TRIM9: variants seen among roughly 807,000 people sequenced by gnomAD.
TRIM9 encodes the protein tripartite motif containing 9.
In TRIM9, 26 loss-of-function variants were observed where a neutral mutation model predicts 78.3. The observed-to-expected ratio is 0.33, with a 90% CI of 0.24 to 0.46. The LOEUF is 0.46. Among genes scored for constraint, TRIM9 ranks in the 20% least tolerant of loss-of-function variants. The pLI is 1.00. For synonymous variants in TRIM9, 398 were observed against 416.5 expected (o/e 0.96, Z 0.54); for missense variants, 787 against 1,036.4 (o/e 0.76, Z 3.30).
intron 11 of TRIM9, among the ~76,000 whole-genome samples, chr14:50,980,608 A>AT (rs2051742430): frequency 6.6e-6 from 1 of 152,244 alleles, no homozygotes; most frequent in East Asian, 1.9e-4. Flanking sequence ...TGTGATGGTT[A>AT]TGTCATTATT....
intron 1 of TRIM9, among the ~76,000 whole-genome samples, chr14:51,073,618 C>T (rs1029389864): frequency 3.3e-5 from 5 of 152,140 alleles, no homozygotes; most frequent in Non-Finnish European, 7.3e-5. Context: ...AGAAGGTTAT[C>T]CTTGCCAAGA....
intron 1 of TRIM9, among the ~76,000 whole-genome samples, chr14:51,072,220 A>T (rs1280229390): frequency 6.6e-6 from 1 of 152,042 alleles, no homozygotes; most frequent in Non-Finnish European, 1.5e-5. Flanking sequence ...AGGGAAACTT[A>T]ACTCTCTCTC....
At chr14:51,050,454 C>T (rs1419103630) in intron 1 of TRIM9, among the ~76,000 whole-genome samples, 2 of 152,176 alleles carry the variant, frequency 1.3e-5, no homozygotes, top group East Asian at 3.9e-4. Context: ...TGAGGCCTCC[C>T]CAGCCACGTG....
intron 7 of TRIM9, chr14:50,997,192 C>A (rs2054322463): frequency 2.0e-6 from 2 of 985,364 alleles, no homozygotes; most frequent in Non-Finnish European, 2.4e-6. Flanking sequence ...GGTTTAATTT[C>A]ATGTGTCTTG....
chr14:51,069,029 G>T (rs767273199), intron 1 of TRIM9, among the ~76,000 whole-genome samples: 6 of 152,148 alleles, frequency 3.9e-5, no homozygotes, highest in Non-Finnish European at 7.4e-5. Flanking sequence ...CCAGTTAGGA[G>T]ATTATTTCAA....
chr14:51,030,036 A>C (rs748927449), intron 1 of TRIM9, among the ~76,000 whole-genome samples: 10 of 152,236 alleles, frequency 6.6e-5, no homozygotes, highest in African/African-American at 9.6e-5. Flanking sequence ...ATGACTAGTT[A>C]ACCTATGAAA....
At position 50,976,452 on chromosome 14, in the gene TRIM9, C is replaced by T. The variant is rs1250237542; in HGVS notation, c.*839G>A. 6.6e-6 allele frequency: 1 copy of T among 152,172 alleles called. No homozygotes were observed. The highest frequency in any genetic ancestry group is 2.4e-5 in the African/African-American group (1 of 41,416). 9.4% of individuals were successfully genotyped at this position (152,172 alleles called of 1,614,324 possible). Reference sequence around the variant, plus strand: ...TAAGCTCCGAAGGGCAGAGACCATGCCTGTCTGTTCACCACTGTGTCCCCA... The same window carrying T: ...TAAGCTCCGAAGGGCAGAGACCATGTCTGTCTGTTCACCACTGTGTCCCCA... On this transcript the variant is annotated 3_prime_UTR_variant, in exon 13 of 13. Coordinates refer to ENST00000684578, the MANE Select transcript of TRIM9 (RefSeq NM_001387360.1).
chr14:51,052,659 A>G (rs1167678201), intron 1 of TRIM9, among the ~76,000 whole-genome samples: 5 of 152,216 alleles, frequency 3.3e-5, no homozygotes, highest in South Asian at 4.1e-4. Flanking sequence ...CCAAAATTCT[A>G]TAACATTCAG....
chr14:50,985,970 G>C lies in TRIM9; in HGVS notation c.1778C>G (p.Ser593Cys). The change falls in exon 8 of 13, where the codon TCT becomes TGT. Residue 593 changes from serine to cysteine, a missense_variant. By Grantham distance (112) the Ser-to-Cys change is moderately radical. Coordinates refer to ENST00000684578, the MANE Select transcript of TRIM9 (RefSeq NM_001387360.1). ...HQLSLHSSLQSLNAPGCNFET... is the reference protein window; with the variant it reads ...HQLSLHSSLQCLNAPGCNFET... ...GCTCAGCTCACCCGGTGCATTGAGA[G>C]ACTGTAAAGAGGAATGCAAGCTCAG... 4 of 1,540,680 alleles carry C rather than the reference G, an allele frequency of 2.6e-6. No individual in the cohort carries two copies. Among genetic ancestry groups the C allele is most frequent in the Non-Finnish European group, 3.5e-6 (4 of 1,142,046 alleles).
chr14:50,996,798 T>G, intron 7 of TRIM9: 1 of 985,424 alleles, frequency 1.0e-6, no homozygotes. Flanking sequence ...GTACTCCAAA[T>G]GGGAACAGGT....
intron 3 of TRIM9, among the ~76,000 whole-genome samples, 188 bp downstream of exon 3, chr14:51,022,646 TG>T (rs1172453413): frequency 6.6e-6 from 1 of 152,192 alleles, no homozygotes; most frequent in Non-Finnish European, 1.5e-5. Flanking sequence ...AAACATTATT[TG>T]GGTAAATGAA....
intron 7 of TRIM9, chr14:50,996,466 G>C: frequency 2.0e-6 from 2 of 985,456 alleles, no homozygotes; most frequent in Non-Finnish European, 2.4e-6. Flanking sequence ...TACCAGAATA[G>C]TATGATTCCC....
intron 7 of TRIM9, among the ~76,000 whole-genome samples, chr14:50,990,082 A>G (rs1474185521): frequency 6.6e-6 from 1 of 152,156 alleles, no homozygotes; most frequent in African/African-American, 2.4e-5. Context: ...AGTGGTGTTG[A>G]TCATAGCTCA....
intron 1 of TRIM9, among the ~76,000 whole-genome samples, chr14:51,059,792 T>C (rs2061184203): frequency 7.6e-6 from 1 of 130,810 alleles, no homozygotes; most frequent in Non-Finnish European, 1.7e-5. Context: ...AGTGAGACTC[T>C]GTCTCAAAAA....
intron 1 of TRIM9, among the ~76,000 whole-genome samples, chr14:51,049,841 T>G (rs987172080): frequency 1.3e-5 from 2 of 150,778 alleles, no homozygotes; most frequent in African/African-American, 4.9e-5. Flanking sequence ...AAAAATAAAA[T>G]AAAATAAAAA....
At chr14:51,048,337 T>C (rs189528143) in intron 1 of TRIM9, among the ~76,000 whole-genome samples, 117 of 152,354 alleles carry the variant, frequency 7.7e-4, no homozygotes, top group African/African-American at 2.7e-3. Flanking sequence ...ACCCTGTGGA[T>C]AGGAGCCACA....
intron 1 of TRIM9, among the ~76,000 whole-genome samples, chr14:51,050,764 C>T (rs1050153520): frequency 6.6e-6 from 1 of 152,156 alleles, no homozygotes; most frequent in African/African-American, 2.4e-5. Context: ...CTCTCCACCC[C>T]TCTTCCTTTC....
Position 51,094,809 on chromosome 14 carries a change from G to C in TRIM9, c.131C>G (p.Ser44Cys). The stretch of plus-strand genomic sequence containing the variant: ...GGCCCGATGGCTCTGGGGGGATTCA[G>C]ACTCTGGGGTCTGCACCAGGATGTT... ...ARNILVQTPE[S>C]ESPQSHRAAG... The change falls in exon 1 of 13, where the codon TCT (serine) becomes TGT (cysteine). Residue 44 changes from serine (S) to cysteine (C), a missense_variant. Ser to Cys is a moderately radical substitution (Grantham distance 112, BLOSUM62 -1). This residue lies in a region of TRIM9 where 352 missense variants were observed against 472.3 expected (regional missense o/e 0.75). Coordinates refer to ENST00000684578, the MANE Select transcript of TRIM9 (RefSeq NM_001387360.1). 1 of 1,537,280 alleles carries C rather than the reference G, an allele frequency of 6.5e-7. No homozygotes were observed. Among genetic ancestry groups the C allele is most frequent in the Non-Finnish European group, 8.7e-7 (1 of 1,146,666 alleles).
intron 5 of TRIM9, among the ~76,000 whole-genome samples, chr14:51,004,823 C>T (rs889577131): frequency 5.9e-5 from 9 of 152,114 alleles, no homozygotes; most frequent in South Asian, 2.1e-4. Context: ...CTCTCCAGTC[C>T]GGTGTTTAGA....
Sources: gnomAD v4.1 joint callset for allele counts (sites outside exome capture counted in the v4.1 genomes callset) on GRCh38, gnomAD v4.1.1 for gene constraint, gnomAD v4.1.1 regional missense constraint, MANE v1.5 for transcripts, NCBI Gene and HGNC (gene_info 2026-07-23, HGNC 2026-07-21) for gene names.